NCEH1: variants seen among roughly 807,000 people sequenced by gnomAD.
The protein encoded by NCEH1 is neutral cholesterol ester hydrolase 1, also known as 2-acetyl MAGE hydrolase.
In NCEH1, 9 loss-of-function variants were observed where a neutral mutation model predicts 25.4. The ratio of observed to expected loss-of-function variants is 0.35; its 90% CI spans 0.21 to 0.62. NCEH1 has a LOEUF of 0.62. Ranked by LOEUF, NCEH1 falls within the 20% of genes least tolerant of loss-of-function variation. NCEH1 has a pLI of 0.72. For synonymous variants in NCEH1, 200 were observed against 199.8 expected (o/e 1.00, Z -0.01); for missense variants, 412 against 501.1 (o/e 0.82, Z 1.70).
At chr3:172,675,327 A>T (rs199718110) in intron 1 of NCEH1, among the ~76,000 whole-genome samples, 22,044 of 148,828 alleles carry the variant, frequency 0.15, 1,862 homozygotes, top group East Asian at 0.23. Flanking sequence ...ATAAATAAAT[A>T]AATAAATAAA....
intron 1 of NCEH1, among the ~76,000 whole-genome samples, chr3:172,664,026 G>A (rs1216616938): frequency 9.9e-5 from 15 of 152,114 alleles, no homozygotes; most frequent in Admixed American, 2.6e-4. Context: ...TATTTTGCTC[G>A]TTAGTTGATG....
intron 1 of NCEH1, among the ~76,000 whole-genome samples, chr3:172,706,717 T>G (rs1202560736): frequency 6.6e-6 from 1 of 152,010 alleles, no homozygotes; most frequent in Non-Finnish European, 1.5e-5. Context: ...GCCAGGCTGG[T>G]CTTGAACTCC....
Position 172,630,952 on chromosome 3 carries a change from TCA to T in NCEH1, c.*2521_*2522del, listed in dbSNP as rs1285383678. ...TTCTTTATATATTAATGTTTATATT[TCA>T]CAGACAATTTTACAAAAAGATTATC... On this transcript the variant is annotated 3_prime_UTR_variant, in exon 5 of 5. Coordinates refer to ENST00000475381, the MANE Select transcript of NCEH1 (RefSeq NM_020792.6). 4.8e-5 allele frequency: 7 copies of T among 145,294 alleles called. No homozygotes were observed. The highest frequency in any genetic ancestry group is 2.0e-4 in the East Asian group (1 of 4,980). The allele number at this position is 145,294 out of a possible 1,614,324, so 9.0% of individuals were successfully genotyped here. A position where few individuals can be genotyped will look rare whatever the true frequency, so the allele number is the denominator to read the frequency against.
At position 172,633,630 on chromosome 3, in the gene NCEH1, C is replaced by T. The variant is rs968353698; in HGVS notation, c.1072G>A (p.Ala358Thr). The T allele has an allele frequency of 3.1e-6, 5 of 1,614,076 alleles. No individual in the cohort carries two copies. The African/African-American group carries it at 6.7e-5, about 22-fold the overall frequency. Residue 358 changes from alanine to threonine, a missense_variant, in exon 5 of 5, where the codon GCC becomes ACC. Physicochemically the swap from Ala to Thr is moderately conservative, Grantham distance 58 (BLOSUM62 0). Around this residue, in one of 3 missense-constraint regions of NCEH1, gnomAD observed 210 missense variants for 258.2 expected, o/e 0.81. Coordinates refer to ENST00000475381, the MANE Select transcript of NCEH1 (RefSeq NM_020792.6). ...ACACCGGCACTCTCCAAACGCTTGGCATACATGATGCCATCGTCTCTGAGG... is the reference window on the plus strand; with the variant it reads ...ACACCGGCACTCTCCAAACGCTTGGTATACATGATGCCATCGTCTCTGAGG... Reference protein sequence around the residue: ...DVLRDDGIMYAKRLESAGVEV... With the variant: ...DVLRDDGIMYTKRLESAGVEV...
At chr3:172,708,323 C>T (rs1714117156) in intron 1 of NCEH1, among the ~76,000 whole-genome samples, 1 of 152,212 alleles carries the variant, frequency 6.6e-6, no homozygotes, top group Non-Finnish European at 1.5e-5. Flanking sequence ...CTAAAATTAT[C>T]TGAGTAACGA....
chr3:172,661,995 C>G (rs899469675), intron 1 of NCEH1, among the ~76,000 whole-genome samples: 3 of 151,822 alleles, frequency 2.0e-5, no homozygotes, highest in African/African-American at 7.3e-5. Context: ...CCAGAACTTC[C>G]AACACTATGT....
chr3:172,651,832 T>C (rs995698997), intron 1 of NCEH1, among the ~76,000 whole-genome samples: 1 of 152,204 alleles, frequency 6.6e-6, no homozygotes. Flanking sequence ...ATGCTGGGAT[T>C]ACAGGCATGA....
intron 1 of NCEH1, among the ~76,000 whole-genome samples, chr3:172,674,879 A>G (rs541147844): frequency 1.3e-5 from 2 of 152,370 alleles, no homozygotes; most frequent in African/African-American, 2.4e-5. Context: ...TTATAGCAGG[A>G]GTAATAGTTA....
At chr3:172,694,482 C>T (rs1284936771) in intron 1 of NCEH1, among the ~76,000 whole-genome samples, 2 of 152,156 alleles carry the variant, frequency 1.3e-5, no homozygotes, top group Admixed American at 1.3e-4. Context: ...GAATTTTAAT[C>T]ACAACCTATA....
chr3:172,644,492 C>T (rs568258305), intron 3 of NCEH1, among the ~76,000 whole-genome samples: 45 of 152,310 alleles, frequency 3.0e-4, no homozygotes, highest in Non-Finnish European at 5.3e-4. Flanking sequence ...GCATTATAAG[C>T]TCCCTTCAAT....
chr3:172,689,805 T>G (rs1010910636), intron 1 of NCEH1, among the ~76,000 whole-genome samples: 5 of 151,704 alleles, frequency 3.3e-5, no homozygotes, highest in Non-Finnish European at 5.9e-5. Flanking sequence ...AATAGACCAT[T>G]TTATAATCTC....
chr3:172,637,078 C>G (rs1252724568), intron 3 of NCEH1, among the ~76,000 whole-genome samples: 1 of 152,082 alleles, frequency 6.6e-6, no homozygotes, highest in Non-Finnish European at 1.5e-5. Flanking sequence ...CTTATTGGCT[C>G]ATATGAAAAT....
At chr3:172,657,291 T>C (rs1173843070) in intron 1 of NCEH1, among the ~76,000 whole-genome samples, 2 of 152,102 alleles carry the variant, frequency 1.3e-5, no homozygotes, top group Non-Finnish European at 1.5e-5. Context: ...TTTCCAAACA[T>C]CTCCAGGATC....
chr3:172,666,103 C>G (rs999459108), intron 1 of NCEH1, among the ~76,000 whole-genome samples: 1 of 152,198 alleles, frequency 6.6e-6, no homozygotes, highest in Non-Finnish European at 1.5e-5. Flanking sequence ...TGCTTCTATT[C>G]TTGGAACCCA....
At chr3:172,645,467 A>AT (rs1374151459) in intron 3 of NCEH1, among the ~76,000 whole-genome samples, 156 bp downstream of exon 3, 1 of 152,138 alleles carries the variant, frequency 6.6e-6, no homozygotes, top group Non-Finnish European at 1.5e-5. Flanking sequence ...ATCAGAAATC[A>AT]TTTTTCTGAT....
At chr3:172,685,806 C>T (rs1712665387) in intron 1 of NCEH1, among the ~76,000 whole-genome samples, 1 of 152,228 alleles carries the variant, frequency 6.6e-6, no homozygotes, top group Non-Finnish European at 1.5e-5. Flanking sequence ...ACAAGTACGA[C>T]AACCAGATCT....
At position 172,633,710 on chromosome 3, in the gene NCEH1, T is replaced by C; in HGVS notation, c.992A>G (p.Gln331Arg). The change falls in exon 5 of 5, where the codon CAG (glutamine) becomes CGG (arginine). Residue 331 changes from glutamine (Q) to arginine (R), a missense_variant. By Grantham distance (43) the Gln-to-Arg change is conservative (BLOSUM62 1). Transcript: ENST00000475381. Reference sequence around the variant, plus strand: ...CTTTGGGAGGAGCTGCAGCACTGCCTGGTCTGCAATGAGTGGGGCGGAGCG... The same window carrying C: ...CTTTGGGAGGAGCTGCAGCACTGCCCGGTCTGCAATGAGTGGGGCGGAGCG... The part of the protein sequence containing the change: ...DARSAPLIAD[Q>R]AVLQLLPKTY... 1.2e-6 allele frequency: 2 copies of C among 1,614,220 alleles called. No individual in the cohort carries two copies. Among genetic ancestry groups the C allele is most frequent in the East Asian group, 2.2e-5 (1 of 44,892 alleles).
chr3:172,707,431 A>G (rs947805572), intron 1 of NCEH1, among the ~76,000 whole-genome samples: 14 of 152,242 alleles, frequency 9.2e-5, no homozygotes, highest in African/African-American at 3.4e-4. Context: ...ATGCTAATGT[A>G]AAAGGGCTCA....
rs2108485007 is a variant in NCEH1 at position 172,632,091 on chromosome 3, A to T, written c.*1384T>A. 2 of 152,698 alleles carry T rather than the reference A, an allele frequency of 1.3e-5. No homozygotes were observed. The highest frequency in any genetic ancestry group is 6.8e-3 in the Middle Eastern group (2 of 294). 9.5% of individuals were successfully genotyped at this position (152,698 alleles called of 1,614,324 possible). A position where few individuals can be genotyped will look rare whatever the true frequency, so the allele number is the denominator to read the frequency against. On this transcript the variant is annotated 3_prime_UTR_variant, in exon 5 of 5. Coordinates refer to ENST00000475381, the MANE Select transcript of NCEH1 (RefSeq NM_020792.6). ...CCAGTGTACGCCCTTCACTCAGAAC[A>T]TGAGCTTGTGTTCCTCTGACCCTAA...
Sources: allele counts gnomAD v4.1 joint callset (sites outside exome capture counted in the v4.1 genomes callset), GRCh38; gene constraint gnomAD v4.1.1; regional missense constraint gnomAD v4.1.1; transcripts MANE v1.5; gene names NCBI Gene and HGNC (gene_info 2026-07-23, HGNC 2026-07-21).